RAD54L2: variants seen among roughly 807,000 people sequenced by gnomAD.
RAD54L2 encodes the protein RAD54 like 2, also known as helicase ARIP4.
In RAD54L2, 27 loss-of-function variants were observed where a neutral mutation model predicts 138.4. The ratio of observed to expected loss-of-function variants is 0.20; its 90% CI spans 0.14 to 0.27. The LOEUF (loss-of-function observed/expected upper bound fraction) is 0.27, where lower values mean the gene tolerates loss of function less well. Ranked by LOEUF, RAD54L2 falls within the 10% of genes least tolerant of loss-of-function variation. The pLI is 1.00. For synonymous variants in RAD54L2, 644 were observed against 723.2 expected, an observed-to-expected ratio of 0.89 and a Z score of 1.76; for missense variants, 1,396 against 1,890.2, an observed-to-expected ratio of 0.74 and a Z score of 4.85.
intron 2 of RAD54L2, among the ~76,000 whole-genome samples, chr3:51,549,139 G>T (rs992418596): frequency 6.6e-6 from 1 of 151,948 alleles, no homozygotes; most frequent in African/African-American, 2.4e-5. Flanking sequence ...GATTACAGGC[G>T]CCCACCACCA....
At position 51,567,610 on chromosome 3, in the gene RAD54L2, C is replaced by G. The variant is rs138437401; in HGVS notation, c.-54-22757C>G. On this transcript the variant is annotated intron_variant, in intron 2 of 22. Transcript: ENST00000684192. Reference sequence around the variant, plus strand: ...TAGTTATTGATCAAGATAGCAGCAGCACTAAAGGTGTTTGTAAAACGACAG... The same window carrying G: ...TAGTTATTGATCAAGATAGCAGCAGGACTAAAGGTGTTTGTAAAACGACAG... Among the ~76,000 whole-genome samples the G allele has an allele frequency of 1.6e-4, 24 of 152,082 alleles. 1 individual carries two copies. The highest frequency in any genetic ancestry group is 5.3e-4 in the African/African-American group (22 of 41,400).
rs1324382398 is a variant in RAD54L2, at chr3:51,656,092, A to G, written c.3148A>G (p.Thr1050Ala). 2 of 1,613,918 alleles carry G rather than the reference A, an allele frequency of 1.2e-6. No homozygotes were observed. The highest frequency in any genetic ancestry group is 1.7e-6 in the Non-Finnish European group (2 of 1,179,910). The change falls in exon 20 of 23, where the codon ACA (threonine) becomes GCA (alanine). Residue 1050 changes from threonine (T) to alanine (A), a missense_variant. Physicochemically the swap from Thr to Ala is moderately conservative, Grantham distance 58. Transcript: ENST00000684192. ...AGGAAGTGTAAGCTCTGCCTCCAGC[A>G]CAAATCCATCCATGAACTTTCCCAT... Reference protein sequence around the residue: ...LGGSVSSASSTNPSMNFPINY... With the variant: ...LGGSVSSASSANPSMNFPINY...
intron 3 of RAD54L2, among the ~76,000 whole-genome samples, chr3:51,619,367 C>G (rs921936180): frequency 6.6e-6 from 1 of 152,108 alleles, no homozygotes; most frequent in East Asian, 1.9e-4. Context: ...TAGGCACTAT[C>G]TTAAATATTT....
chr3:51,540,049 T>C (rs1409565542), intron 1 of RAD54L2, among the ~76,000 whole-genome samples: 1 of 152,248 alleles, frequency 6.6e-6, no homozygotes, highest in Admixed American at 6.5e-5. Context: ...TTGTGACTCA[T>C]ACTTTCTTTT....
chr3:51,566,257 A>G (rs1397599477), intron 2 of RAD54L2, among the ~76,000 whole-genome samples: 2 of 151,410 alleles, frequency 1.3e-5, no homozygotes, highest in East Asian at 1.9e-4. Context: ...CTTATTGTAG[A>G]CTCCAGTTTG....
rs1031657978 is a variant in RAD54L2, at chr3:51,633,476, C to G, written c.826-101C>G. 1.7e-5 allele frequency: 20 copies of G among 1,159,324 alleles called. No homozygotes were observed. The African/African-American group carries it at 2.5e-4, about 14-fold the overall frequency. The allele number at this position is 1,159,324 out of a possible 1,614,324, so 71.8% of individuals were successfully genotyped here. On this transcript the variant is annotated intron_variant, in intron 7 of 22. Coordinates refer to ENST00000684192, the MANE Select transcript of RAD54L2 (RefSeq NM_015106.4). ...CATCCACACCTGCTATCTATTATAA[C>G]GCCTTCTCACTTACTTAATTCTTAC...
At chr3:51,572,684 G>C (rs1407973346) in intron 2 of RAD54L2, among the ~76,000 whole-genome samples, 2 of 149,858 alleles carry the variant, frequency 1.3e-5, no homozygotes, top group Non-Finnish European at 3.0e-5. Context: ...TGTCACCCAG[G>C]CTCGAGTGCA....
At position 51,645,577 on chromosome 3, in the gene RAD54L2, C is replaced by G. The variant is rs942532434; in HGVS notation, c.2657-14C>G. ...TGCCATGTGCTGACTTTCTTCATGT[C>G]TTTATCCTTCTAGATCGGGTGGTGG... On this transcript the variant is annotated splice_polypyrimidine_tract_variant and intron_variant, in intron 17 of 22. Transcript: ENST00000684192. The surrounding 1 kb of genome is among the most constrained non-coding windows in gnomAD (Gnocchi z 6.1). The G allele has an allele frequency of 6.2e-7, 1 of 1,600,830 alleles. No homozygotes were observed. The highest frequency in any genetic ancestry group is 8.5e-7 in the Non-Finnish European group (1 of 1,173,770).
At chr3:51,593,612 G>A (rs1391609462) in intron 3 of RAD54L2, among the ~76,000 whole-genome samples, 5 of 152,104 alleles carry the variant, frequency 3.3e-5, no homozygotes, top group East Asian at 3.9e-4. Context: ...CATTACAGGC[G>A]TGAGCCACTG....
At chr3:51,661,865 G>C (rs545460923) in intron 22 of RAD54L2, among the ~76,000 whole-genome samples, 1 of 151,998 alleles carries the variant, frequency 6.6e-6, no homozygotes, top group Admixed American at 6.5e-5. Context: ...TTATCTCTAA[G>C]TACTTCAACA....
intron 3 of RAD54L2, among the ~76,000 whole-genome samples, chr3:51,607,111 AT>A (rs1013125909): frequency 9.6e-6 from 1 of 103,630 alleles, no homozygotes. Context: ...ATTTTATTTT[AT>A]TTTTTTTAGT....
rs1341450187 is a variant in RAD54L2 at position 51,547,387 on chromosome 3, A to G, written c.-55+5737A>G. On this transcript the variant is annotated intron_variant, in intron 2 of 22. Transcript: ENST00000684192. ...TAAGACTCTGCCTCAAAAAAAAAAA[A>G]GGAAGATGTTATAATATAGATTGAA... 2.6e-5 allele frequency among the ~76,000 whole-genome samples: 4 copies of G among 151,822 alleles called. No homozygotes were observed. In the East Asian group the frequency reaches 5.8e-4, roughly 22 times the overall value.
In RAD54L2 at chr3:51,633,624, G is replaced by A. The variant is rs773276072; in HGVS notation, c.873G>A (p.Glu291=). The part of the protein sequence containing the change: ...FLYDNLVESL[E]RFKTSSGFGC... ...ACGATAACCTAGTGGAGTCTCTGGA[G>A]AGGTTTAAGACCAGCAGTGGCTTTG... The change falls in exon 8 of 23, where the codon GAG becomes GAA. Residue 291 remains glutamate, a synonymous_variant. Coordinates refer to ENST00000684192, the MANE Select transcript of RAD54L2 (RefSeq NM_015106.4). The A allele has an allele frequency of 3.7e-6, 6 of 1,613,892 alleles. No homozygotes were observed. The East Asian group carries it at 1.3e-4, about 36-fold the overall frequency.
chr3:51,626,436 CTTTTTTTTTTTTTT>C (rs768354274), intron 3 of RAD54L2, among the ~76,000 whole-genome samples: 1 of 39,392 alleles, frequency 2.5e-5, no homozygotes, highest in Non-Finnish European at 4.1e-5. Flanking sequence ...CCCCAACGAT[CTTTTTTTTTTTTTT>C]TTTTTTTTTT....
Position 51,561,673 on chromosome 3 carries a change from C to T in RAD54L2, c.-55+20023C>T, listed in dbSNP as rs573561716. ...ACCTCCCAGGCTCAAGCAATCCTCC[C>T]ACCTCAGCCTCCTGAGGAGTTGGGA... On this transcript the variant is annotated intron_variant, in intron 2 of 22. Transcript: ENST00000684192. 5.3e-5 allele frequency among the ~76,000 whole-genome samples: 8 copies of T among 152,086 alleles called. No individual in the cohort carries two copies. In the South Asian group the frequency reaches 1.7e-3, roughly 32 times the overall value.
rs1415644544 is a variant in RAD54L2 at position 51,612,681 on chromosome 3, G to A, written c.140-14872G>A. Reference sequence around the variant, plus strand: ...TTATGTTTTAACTTTGTTCATGATGGTCTTTGTTGTAAAAAAAAAAAAAAA... The same window carrying A: ...TTATGTTTTAACTTTGTTCATGATGATCTTTGTTGTAAAAAAAAAAAAAAA... On this transcript the variant is annotated intron_variant, in intron 3 of 22. Coordinates refer to ENST00000684192, the MANE Select transcript of RAD54L2 (RefSeq NM_015106.4). Among the ~76,000 whole-genome samples, 8 of 114,834 alleles carry A rather than the reference G, an allele frequency of 7.0e-5. No homozygotes were observed. The Admixed American group carries it at 8.2e-4, about 12-fold the overall frequency. 75.3% of individuals were successfully genotyped at this position (114,834 alleles called of 152,430 possible). A position where few individuals can be genotyped will look rare whatever the true frequency, so the allele number is the denominator to read the frequency against.
rs568154387 is a variant in RAD54L2 at position 51,637,269 on chromosome 3, G to T, written c.1448G>T (p.Arg483Leu). The change falls in exon 11 of 23, where the codon CGC becomes CTC. Residue 483 changes from arginine (R) to leucine (L), a missense_variant. Around this residue, in one of 7 missense-constraint regions of RAD54L2, gnomAD observed 169 missense variants for 235.6 expected, o/e 0.72. Coordinates refer to ENST00000684192, the MANE Select transcript of RAD54L2 (RefSeq NM_015106.4). This position sits in a 1 kb window ranked among gnomAD's most constrained non-coding sequence, Gnocchi z 5.9. ...ASTSQALKNIRSRRRVVLTGY... is the reference protein window; with the variant it reads ...ASTSQALKNILSRRRVVLTGY... ...ACCTCACAGGCTCTGAAGAATATCC[G>T]CTCTCGCCGCCGGGTGGTGCTGACT... 5 of 1,607,058 alleles carry T rather than the reference G, an allele frequency of 3.1e-6. No homozygotes were observed. Among genetic ancestry groups the T allele is most frequent in the Non-Finnish European group, 4.2e-6 (5 of 1,176,930 alleles).
chr3:51,576,437 T>C (rs1699483109), intron 2 of RAD54L2, among the ~76,000 whole-genome samples: 1 of 152,212 alleles, frequency 6.6e-6, no homozygotes, highest in Admixed American at 6.5e-5. Flanking sequence ...AGCTCCTCTT[T>C]GTACCTCTAG....
chr3:51,558,527 T>C (rs1411956940), intron 2 of RAD54L2, among the ~76,000 whole-genome samples: 1 of 152,044 alleles, frequency 6.6e-6, no homozygotes, highest in Non-Finnish European at 1.5e-5. Context: ...TAGAGTGCAG[T>C]GGCGTGATTA....
Sources: allele counts gnomAD v4.1 joint callset (sites outside exome capture counted in the v4.1 genomes callset), GRCh38; gene constraint gnomAD v4.1.1; regional missense constraint gnomAD v4.1.1; non-coding constraint Gnocchi (gnomAD v3.1); transcripts MANE v1.5; gene names NCBI Gene and HGNC (gene_info 2026-07-23, HGNC 2026-07-21).